The following CPEB3 variants were observed in gnomAD, a reference collection of about 807,000 sequenced individuals.
CPEB3 encodes cytoplasmic polyadenylation element-binding protein 3.
Under a neutral mutation model 67.2 loss-of-function variants are expected in CPEB3, and 20 were observed. The observed-to-expected ratio is 0.30, with a 90% CI of 0.21 to 0.43. The LOEUF is 0.43. Ranked by LOEUF, CPEB3 falls within the 20% of genes least tolerant of loss-of-function variation. The pLI is 1.00. For missense variants in CPEB3, 746 were observed against 968.6 expected (o/e 0.77, Z 3.05); for synonymous variants, 376 against 393.1 (o/e 0.96, Z 0.51).
At chr10:92,064,593 T>C (rs1223510077) in intron 9 of CPEB3, among the ~76,000 whole-genome samples, 2 of 152,240 alleles carry the variant, frequency 1.3e-5, no homozygotes, top group Non-Finnish European at 1.5e-5. Flanking sequence ...AATAGCCAGC[T>C]GTACTCTGGG....
intron 6 of CPEB3, among the ~76,000 whole-genome samples, chr10:92,121,589 A>ATT (rs1209468784): frequency 3.0e-4 from 44 of 145,322 alleles, no homozygotes; most frequent in African/African-American, 9.5e-4. Flanking sequence ...AGAGATGTGT[A>ATT]TTTTTTTTTT....
At chr10:92,069,201 T>C (rs1049205331) in intron 9 of CPEB3, among the ~76,000 whole-genome samples, 10 of 152,334 alleles carry the variant, frequency 6.6e-5, no homozygotes, top group African/African-American at 2.2e-4. Context: ...CATATTAGTC[T>C]TCGTGTAGGC....
intron 1 of CPEB3, among the ~76,000 whole-genome samples, chr10:92,273,796 T>C (rs1841852775): frequency 6.6e-6 from 1 of 152,128 alleles, no homozygotes; most frequent in African/African-American, 2.4e-5. Context: ...CTAGGTGAGA[T>C]GTTTCTGGTC....
At position 92,051,225 on chromosome 10, in the gene CPEB3, T is replaced by C. The variant is rs1841886520; in HGVS notation, c.*987A>G. ...TACCAATTCTTTGAATGAAAAAAACTTTTTTTAAAAAATGAGTATTTTTAT... is the reference window on the plus strand; with the variant it reads ...TACCAATTCTTTGAATGAAAAAAACCTTTTTTAAAAAATGAGTATTTTTAT... On this transcript the variant is annotated 3_prime_UTR_variant, in exon 10 of 10. Coordinates refer to ENST00000265997, the MANE Select transcript of CPEB3 (RefSeq NM_014912.5). 1 of 152,624 alleles carries C rather than the reference T, an allele frequency of 6.6e-6. No individual in the cohort carries two copies. The highest frequency in any genetic ancestry group is 6.5e-5 in the Admixed American group (1 of 15,278). 9.5% of individuals were successfully genotyped at this position (152,624 alleles called of 1,614,324 possible).
intron 9 of CPEB3, among the ~76,000 whole-genome samples, chr10:92,069,615 G>A (rs749152697): frequency 6.6e-6 from 1 of 152,172 alleles, no homozygotes; most frequent in Non-Finnish European, 1.5e-5. Flanking sequence ...ATGTTGGCCA[G>A]GCTGGTCTCG....
chr10:92,186,796 G>A (rs1848716480), intron 3 of CPEB3, among the ~76,000 whole-genome samples: 1 of 152,052 alleles, frequency 6.6e-6, no homozygotes, highest in African/African-American at 2.4e-5. Context: ...TTAATGGGAG[G>A]GTACTTATAC....
chr10:92,178,732 G>C (rs149459156), intron 4 of CPEB3, among the ~76,000 whole-genome samples: 2 of 152,056 alleles, frequency 1.3e-5, no homozygotes, highest in East Asian at 3.9e-4. Flanking sequence ...TAATAGATAG[G>C]TGTGTGTTTG....
intron 6 of CPEB3, among the ~76,000 whole-genome samples, chr10:92,142,139 A>G (rs1218186470): frequency 2.0e-5 from 3 of 152,082 alleles, no homozygotes. Context: ...ACTGACAATG[A>G]AACCTAACAA....
chr10:92,206,732 T>C (rs575008708), intron 2 of CPEB3, among the ~76,000 whole-genome samples: 2 of 152,372 alleles, frequency 1.3e-5, no homozygotes, highest in South Asian at 4.1e-4. Context: ...CAGATAGCTA[T>C]ACTTAAAGGT....
chr10:92,250,858 A>ATTTTTTTTTT (rs1211646953), intron 1 of CPEB3, among the ~76,000 whole-genome samples: 11 of 104,122 alleles, frequency 1.1e-4, no homozygotes, highest in Non-Finnish European at 1.1e-4. Context: ...CACACAGTTA[A>ATTTTTTTTTT]TTTTTTTTTT....
chr10:92,184,879 A>G (rs1427160829), intron 3 of CPEB3, among the ~76,000 whole-genome samples: 1 of 152,220 alleles, frequency 6.6e-6, no homozygotes, highest in African/African-American at 2.4e-5. Flanking sequence ...TTTGATTTAC[A>G]GTTTTCCACG....
intron 3 of CPEB3, among the ~76,000 whole-genome samples, chr10:92,188,123 G>A (rs1052468523): frequency 6.6e-6 from 1 of 151,954 alleles, no homozygotes; most frequent in South Asian, 2.1e-4. Flanking sequence ...TTGAGCCTGG[G>A]AGGTCAAGGC....
chr10:92,171,216 T>TGAAG (rs1847985193), intron 4 of CPEB3, among the ~76,000 whole-genome samples: 2 of 152,194 alleles, frequency 1.3e-5, no homozygotes. Flanking sequence ...AGCTGCTCAT[T>TGAAG]CATATCAGCC....
At chr10:92,145,943 T>C (rs1202901538) in intron 4 of CPEB3, among the ~76,000 whole-genome samples, 2 of 152,160 alleles carry the variant, frequency 1.3e-5, no homozygotes, top group Non-Finnish European at 2.9e-5. Context: ...CAAGTTTTCC[T>C]TGTCATTCCA....
intron 1 of CPEB3, among the ~76,000 whole-genome samples, chr10:92,276,277 C>CTTTTTTTTTT (rs769749643): frequency 9.2e-6 from 1 of 108,270 alleles, no homozygotes; most frequent in Non-Finnish European, 1.8e-5. Flanking sequence ...TTTTTCTTTT[C>CTTTTTTTTTT]TTTTTTTTTT....
intron 2 of CPEB3, chr10:92,216,521 G>A: frequency 2.5e-6 from 4 of 1,612,926 alleles, no homozygotes; most frequent in South Asian, 1.1e-5. Flanking sequence ...TCGGCGCGGG[G>A]TGAAAGAGGT....
chr10:92,269,425 T>C (rs1036561914), intron 1 of CPEB3, among the ~76,000 whole-genome samples: 3 of 152,160 alleles, frequency 2.0e-5, no homozygotes, highest in East Asian at 1.9e-4. Context: ...TCACCATGAA[T>C]ATAGAGTATT....
intron 6 of CPEB3, among the ~76,000 whole-genome samples, chr10:92,119,708 T>C (rs1845241050): frequency 6.6e-6 from 1 of 152,132 alleles, no homozygotes; most frequent in South Asian, 2.1e-4. Flanking sequence ...AGAGGGCTAG[T>C]TAGTTCTTAG....
At chr10:92,219,231 T>C (rs1487399743) in intron 2 of CPEB3, among the ~76,000 whole-genome samples, 1 of 152,174 alleles carries the variant, frequency 6.6e-6, no homozygotes, top group Non-Finnish European at 1.5e-5. Flanking sequence ...AAATGGGCAA[T>C]TGCTTAACTT....
Sources: allele counts gnomAD v4.1 joint callset (sites outside exome capture counted in the v4.1 genomes callset), GRCh38; gene constraint gnomAD v4.1.1; transcripts MANE v1.5; gene names NCBI Gene and HGNC (gene_info 2026-07-23, HGNC 2026-07-21).